RNF19A: variants seen among roughly 807,000 people sequenced by gnomAD.
RNF19A encodes ring finger protein 19A, RBR E3 ubiquitin protein ligase, also known as E3 ubiquitin-protein ligase RNF19A.
In RNF19A, 32 loss-of-function variants were observed where a neutral mutation model predicts 75.7. The observed-to-expected ratio is 0.42, with a 90% CI of 0.32 to 0.57. The LOEUF (loss-of-function observed/expected upper bound fraction) is 0.57, where lower values mean the gene tolerates loss of function less well. RNF19A is among the 20% of genes least tolerant of loss of function. The pLI is 0.10. For synonymous variants in RNF19A, 335 were observed against 345.2 expected (o/e 0.97, Z 0.33); for missense variants, 782 against 1,036.3 (o/e 0.75, Z 3.37).
At chr8:100,279,627 G>C (rs904127563) in intron 2 of RNF19A, among the ~76,000 whole-genome samples, 1 of 152,032 alleles carries the variant, frequency 6.6e-6, no homozygotes, top group Non-Finnish European at 1.5e-5. Flanking sequence ...ATCTTGGCTC[G>C]CTGCAACGTC....
At chr8:100,298,951 T>A (rs896357749) in intron 1 of RNF19A, among the ~76,000 whole-genome samples, 1 of 152,174 alleles carries the variant, frequency 6.6e-6, no homozygotes, top group Non-Finnish European at 1.5e-5. Context: ...CCCAGAGACA[T>A]GTAAGTTTTT....
chr8:100,272,819 G>A (rs1233101418), intron 3 of RNF19A, among the ~76,000 whole-genome samples: 1 of 151,552 alleles, frequency 6.6e-6, no homozygotes, highest in Non-Finnish European at 1.5e-5. Flanking sequence ...CAAAGTGCTG[G>A]AATTATAGGC....
rs1194411495 is a variant in RNF19A, at chr8:100,323,080, A to G, written c.-242-9708T>C. Among the ~76,000 whole-genome samples, 5 of 152,202 alleles carry G rather than the reference A, an allele frequency of 3.3e-5. No homozygotes were observed. The highest frequency in any genetic ancestry group is 3.3e-4 in the Admixed American group (5 of 15,278). On this transcript the variant is annotated intron_variant, in intron 1 of 3. Coordinates refer to the RNF19A transcript ENST00000519527. The surrounding 1 kb of genome is among the most constrained non-coding windows in gnomAD (Gnocchi z 4.6). ...GACTCGCTGGTTGCAGGGTTGCCACAAACCTTCCATTTGTAAACAAAAACA... is the reference window on the plus strand; with the variant it reads ...GACTCGCTGGTTGCAGGGTTGCCACGAACCTTCCATTTGTAAACAAAAACA...
chr8:100,285,974 C>T (rs1820998382), intron 2 of RNF19A, among the ~76,000 whole-genome samples: 1 of 152,088 alleles, frequency 6.6e-6, no homozygotes, highest in Non-Finnish European at 1.5e-5. Flanking sequence ...TAATGACTCA[C>T]AAAAAGTTTT....
rs1820468608 is a variant in RNF19A at position 100,275,584 on chromosome 8, C to A, written c.675-423G>T. On this transcript the variant is annotated intron_variant, in intron 2 of 9. Coordinates refer to ENST00000341084, the MANE Select transcript of RNF19A (RefSeq NM_183419.4). The surrounding 1 kb of genome is among the most constrained non-coding windows in gnomAD (Gnocchi z 4.3). The stretch of plus-strand genomic sequence containing the variant: ...AACTTTTAAGTAGGATACCAAATTG[C>A]ATTTAGCCTAATCTCAATTTTATAA... 6.6e-6 allele frequency among the ~76,000 whole-genome samples: 1 copy of A among 151,720 alleles called. No homozygotes were observed. The highest frequency in any genetic ancestry group is 1.5e-5 in the Non-Finnish European group (1 of 67,958).
rs1822476667 is a variant in RNF19A at position 100,322,406 on chromosome 8, T to C, written c.-242-9034A>G. 6.6e-6 allele frequency among the ~76,000 whole-genome samples: 1 copy of C among 152,268 alleles called. No homozygotes were observed. The highest frequency in any genetic ancestry group is 1.5e-5 in the Non-Finnish European group (1 of 68,052). ...TTCAAACTTTTCTTCTGAAGCTTCCTTACCTCTCAGCTTTCATAAAATTGA... is the reference window on the plus strand; with the variant it reads ...TTCAAACTTTTCTTCTGAAGCTTCCCTACCTCTCAGCTTTCATAAAATTGA... On this transcript the variant is annotated intron_variant, in intron 1 of 3. Transcript: ENST00000519527. This position sits in a 1 kb window ranked among gnomAD's most constrained non-coding sequence, Gnocchi z 5.1.
chr8:100,272,309 T>C (rs1820295943), intron 3 of RNF19A, among the ~76,000 whole-genome samples: 1 of 152,118 alleles, frequency 6.6e-6, no homozygotes, highest in Non-Finnish European at 1.5e-5. Flanking sequence ...TGTATTATTT[T>C]ATAAACACAA....
Position 100,331,624 on chromosome 8 carries a change from G to A in RNF19A, c.-243+4484C>T, listed in dbSNP as rs892892470. 2.0e-4 allele frequency among the ~76,000 whole-genome samples: 30 copies of A among 152,122 alleles called. No individual in the cohort carries two copies. Among genetic ancestry groups the A allele is most frequent in the Non-Finnish European group, 3.4e-4 (23 of 68,016 alleles). Reference sequence around the variant, plus strand: ...TGCACTCCAGCCTGGGTAACAGAGAGAGACAAACAAACAAAACAAAACAAA... The same window carrying A: ...TGCACTCCAGCCTGGGTAACAGAGAAAGACAAACAAACAAAACAAAACAAA... On this transcript the variant is annotated intron_variant, in intron 1 of 3. Transcript: ENST00000519527. This position sits in a 1 kb window ranked among gnomAD's most constrained non-coding sequence, Gnocchi z 5.2.
Position 100,263,982 on chromosome 8 carries a change from A to G in RNF19A, c.1468+52T>C, listed in dbSNP as rs1819848964. 6.0e-6 allele frequency: 9 copies of G among 1,494,520 alleles called. No homozygotes were observed. In the East Asian group the frequency reaches 2.0e-4, roughly 34 times the overall value. 92.6% of individuals were successfully genotyped at this position (1,494,520 alleles called of 1,614,324 possible). ...GTTGCATGTTATCTCTGGCCTCCCC[A>G]CTACTTACACTGTTAATAAGCACAT... On this transcript the variant is annotated intron_variant, in intron 7 of 9. Transcript: ENST00000341084.
chr8:100,294,190 C>A (rs961953447), intron 1 of RNF19A, among the ~76,000 whole-genome samples: 7 of 152,150 alleles, frequency 4.6e-5, no homozygotes, highest in African/African-American at 1.7e-4. Flanking sequence ...CTTATAGAGG[C>A]TCTGTAGTCT....
rs556600471 is a variant in RNF19A, at chr8:100,322,407, T to C, written c.-242-9035A>G. ...TCAAACTTTTCTTCTGAAGCTTCCTTACCTCTCAGCTTTCATAAAATTGAA... is the reference window on the plus strand; with the variant it reads ...TCAAACTTTTCTTCTGAAGCTTCCTCACCTCTCAGCTTTCATAAAATTGAA... On this transcript the variant is annotated intron_variant, in intron 1 of 3. Transcript: ENST00000519527. The surrounding 1 kb of genome is among the most constrained non-coding windows in gnomAD (Gnocchi z 5.1). Among the ~76,000 whole-genome samples, 4 of 152,372 alleles carry C rather than the reference T, an allele frequency of 2.6e-5. No homozygotes were observed. The highest frequency in any genetic ancestry group is 2.6e-4 in the Admixed American group (4 of 15,306).
At chr8:100,335,325 T>TATA (rs1311871361) in intron 1 of RNF19A, among the ~76,000 whole-genome samples, 9 of 152,214 alleles carry the variant, frequency 5.9e-5, no homozygotes, top group Non-Finnish European at 1.2e-4. Context: ...AAAGATGTAC[T>TATA]ATTATTATCC....
intron 2 of RNF19A, among the ~76,000 whole-genome samples, chr8:100,282,015 A>G (rs1372177979): frequency 2.0e-5 from 3 of 152,120 alleles, no homozygotes; most frequent in Admixed American, 2.0e-4. Context: ...TTTTTCCACT[A>G]TATGCTGCAG....
intron 1 of RNF19A, among the ~76,000 whole-genome samples, chr8:100,315,648 T>A (rs925812741): frequency 6.6e-6 from 1 of 152,062 alleles, no homozygotes; most frequent in African/African-American, 2.4e-5. Flanking sequence ...TTCTTCGTCG[T>A]CTTGTTGTTG....
chr8:100,295,825 T>C (rs1029897340), intron 1 of RNF19A, among the ~76,000 whole-genome samples: 2 of 152,172 alleles, frequency 1.3e-5, no homozygotes, highest in African/African-American at 2.4e-5. Context: ...TAAGAGAAGT[T>C]TGAGGCATTA....
chr8:100,296,065 C>T (rs1007149196), intron 1 of RNF19A, among the ~76,000 whole-genome samples: 2 of 152,172 alleles, frequency 1.3e-5, no homozygotes, highest in African/African-American at 4.8e-5. Flanking sequence ...GGATACCAAG[C>T]AGCAATGCAT....
chr8:100,270,116 G>T, intron 3 of RNF19A, 103 bp from the exon 4 acceptor site: 1 of 998,362 alleles, frequency 1.0e-6, no homozygotes. Flanking sequence ...TTAAGATGTA[G>T]TTTGTTAACT....
In RNF19A at chr8:100,264,233, A is replaced by G. The variant is rs540029232; in HGVS notation, c.1307-38T>C. 57 of 1,516,246 alleles carry G rather than the reference A, an allele frequency of 3.8e-5. 1 individual carries two copies. The East Asian group carries it at 1.3e-3, about 34-fold the overall frequency. 93.9% of individuals were successfully genotyped at this position (1,516,246 alleles called of 1,614,324 possible). On this transcript the variant is annotated intron_variant, in intron 6 of 9. Coordinates refer to ENST00000341084, the MANE Select transcript of RNF19A (RefSeq NM_183419.4). This position sits in a 1 kb window ranked among gnomAD's most constrained non-coding sequence, Gnocchi z 4.7. Reference sequence around the variant, plus strand: ...TAAATCAGTCATTACAAACAACAACAACAAAATAACTCACAGAAACATGAG... The same window carrying G: ...TAAATCAGTCATTACAAACAACAACGACAAAATAACTCACAGAAACATGAG...
chr8:100,286,775 A>G (rs1453581342), intron 2 of RNF19A, among the ~76,000 whole-genome samples: 3 of 152,216 alleles, frequency 2.0e-5, no homozygotes, highest in Non-Finnish European at 4.4e-5. Context: ...TACGTATCAC[A>G]TTAATTGTTT....
Sources: gnomAD v4.1 joint callset for allele counts (sites outside exome capture counted in the v4.1 genomes callset) on GRCh38, gnomAD v4.1.1 for gene constraint, Gnocchi (gnomAD v3.1) non-coding constraint, MANE v1.5 for transcripts, NCBI Gene and HGNC (gene_info 2026-07-23, HGNC 2026-07-21) for gene names.